REC114: variants seen among roughly 807,000 people sequenced by gnomAD.
REC114 encodes REC114 meiotic recombination protein, also known as meiotic recombination protein REC114.
In REC114, 27 loss-of-function variants were observed where a neutral mutation model predicts 31.3. That is an observed-to-expected ratio of 0.86 (90% CI 0.64 to 1.19). The LOEUF (loss-of-function observed/expected upper bound fraction) is 1.19, where lower values mean the gene tolerates loss of function less well. REC114 is among the 50% of genes most tolerant of loss of function. REC114 has a pLI of 0.00. For synonymous variants in REC114, 134 were observed against 127.7 expected, an observed-to-expected ratio of 1.05 and a Z score of -0.33; for missense variants, 344 against 326.9, an observed-to-expected ratio of 1.05 and a Z score of -0.40.
In REC114 at chr15:73,499,047, A is replaced by T. The variant is rs16957937; in HGVS notation, c.249+25126A>T. On this transcript the variant is annotated intron_variant, in intron 2 of 5. Coordinates refer to ENST00000331090, the MANE Select transcript of REC114 (RefSeq NM_001042367.2). ...CTTTGGCTACTGACTTGTTTGCAGAATGGTGCTCAGCTAAACTCTTCCCCA... is the reference window on the plus strand; with the variant it reads ...CTTTGGCTACTGACTTGTTTGCAGATTGGTGCTCAGCTAAACTCTTCCCCA... 6.8e-3 allele frequency among the ~76,000 whole-genome samples: 1,042 copies of T among 152,202 alleles called. 11 individuals are homozygous for T. The highest frequency in any genetic ancestry group is 0.023 in the African/African-American group (970 of 41,526).
intron 2 of REC114, among the ~76,000 whole-genome samples, chr15:73,514,306 G>T (rs941312365): frequency 6.6e-6 from 1 of 151,618 alleles, no homozygotes; most frequent in Non-Finnish European, 1.5e-5. Context: ...TTCGGCTCGC[G>T]CACGGTGCGC....
At chr15:73,481,538 T>G (rs186720523) in intron 2 of REC114, among the ~76,000 whole-genome samples, 24 of 152,144 alleles carry the variant, frequency 1.6e-4, no homozygotes, top group Non-Finnish European at 3.4e-4. Context: ...GACTTTCCCT[T>G]GCTAGTCTTG....
At chr15:73,544,021 C>T (rs1566948793) in intron 3 of REC114, among the ~76,000 whole-genome samples, 1 of 145,010 alleles carries the variant, frequency 6.9e-6, no homozygotes, top group East Asian at 2.2e-4. Context: ...TCTCTGCTCA[C>T]TGCAGCCTCA....
At chr15:73,473,686 G>T (rs753747161) in intron 1 of REC114, 146 bp from the exon 2 acceptor site, 2 of 568,772 alleles carry the variant, frequency 3.5e-6, no homozygotes, top group Non-Finnish European at 6.1e-6. Flanking sequence ...TAAGGGAAGG[G>T]TTACAGATTA....
At chr15:73,528,463 A>C (rs926157063) in intron 2 of REC114, among the ~76,000 whole-genome samples, 1 of 152,206 alleles carries the variant, frequency 6.6e-6, no homozygotes, top group African/African-American at 2.4e-5. Flanking sequence ...CCGCTTTTTG[A>C]GAATTATAAG....
At position 73,509,014 on chromosome 15, in the gene REC114, C is replaced by A. The variant is rs551086043; in HGVS notation, c.250-31471C>A. 2.2e-4 allele frequency among the ~76,000 whole-genome samples: 34 copies of A among 151,288 alleles called. No homozygotes were observed. In the East Asian group the frequency reaches 6.7e-3, roughly 30 times the overall value. ...TTCTAGTTCTAGATCCCTGAGGAAT[C>A]GCCACACTGACTTCCACAATGGTTG... is the stretch of plus-strand genomic sequence containing the variant. On this transcript the variant is annotated intron_variant, in intron 2 of 5. Transcript: ENST00000331090.
chr15:73,498,273 A>C (rs1893556012), intron 2 of REC114, among the ~76,000 whole-genome samples: 1 of 152,056 alleles, frequency 6.6e-6, no homozygotes, highest in Non-Finnish European at 1.5e-5. Flanking sequence ...CAATACATAC[A>C]TCCACTGCCC....
chr15:73,526,894 C>A (rs1047266837), intron 2 of REC114, among the ~76,000 whole-genome samples: 1 of 152,056 alleles, frequency 6.6e-6, no homozygotes, highest in African/African-American at 2.4e-5. Context: ...ATCAGTTTGA[C>A]CCTTTTGAAG....
At position 73,473,998 on chromosome 15, in the gene REC114, A is replaced by C. The variant is rs559730975; in HGVS notation, c.249+77A>C. The C allele has an allele frequency of 4.7e-5, 43 of 910,152 alleles. No individual in the cohort carries two copies. The East Asian group carries it at 1.1e-3, about 23-fold the overall frequency. The allele number at this position is 910,152 out of a possible 1,614,324, so 56.4% of individuals were successfully genotyped here. ...GCTTTACATGAATTTTTGTATCCTC[A>C]AGCTTCTTCAGTCTCACTGTAATTC... is the stretch of plus-strand genomic sequence containing the variant. On this transcript the variant is annotated intron_variant, in intron 2 of 5. Transcript: ENST00000331090.
At chr15:73,451,962 T>C (rs1485840422) in intron 1 of REC114, among the ~76,000 whole-genome samples, 1 of 152,174 alleles carries the variant, frequency 6.6e-6, no homozygotes, top group Non-Finnish European at 1.5e-5. Flanking sequence ...CTTAATAAAC[T>C]AGGTATTGAT....
intron 2 of REC114, among the ~76,000 whole-genome samples, chr15:73,499,899 C>G (rs1180325869): frequency 6.6e-6 from 1 of 152,138 alleles, no homozygotes; most frequent in Non-Finnish European, 1.5e-5. Flanking sequence ...TGCTTTAAGA[C>G]ACAATTTAAA....
intron 2 of REC114, among the ~76,000 whole-genome samples, chr15:73,514,622 C>T (rs1160318190): frequency 6.6e-6 from 1 of 152,006 alleles, no homozygotes; most frequent in Non-Finnish European, 1.5e-5. Flanking sequence ...TAATGGGCAA[C>T]ATTAAAGTAA....
At chr15:73,501,209 G>T (rs916455021) in intron 2 of REC114, among the ~76,000 whole-genome samples, 9 of 152,110 alleles carry the variant, frequency 5.9e-5, no homozygotes, top group Non-Finnish European at 1.2e-4. Flanking sequence ...CATCTATGAA[G>T]GTGTGCCATT....
chr15:73,535,544 G>A, intron 2 of REC114, among the ~76,000 whole-genome samples: 1 of 149,552 alleles, frequency 6.7e-6, no homozygotes, highest in Non-Finnish European at 1.5e-5. Context: ...ACAAATGGAA[G>A]AACATTCCAT....
intron 1 of REC114, among the ~76,000 whole-genome samples, chr15:73,458,873 A>G (rs1456072070): frequency 6.6e-6 from 1 of 152,176 alleles, no homozygotes; most frequent in African/African-American, 2.4e-5. Context: ...ATGTCTAGCT[A>G]AAAAAACTAA....
intron 4 of REC114, 79 bp from the exon 5 acceptor site, chr15:73,556,223 A>G: frequency 5.0e-6 from 6 of 1,210,760 alleles, no homozygotes; most frequent in East Asian, 2.4e-5. Flanking sequence ...ACATGAATGC[A>G]TATTTCTGCT....
chr15:73,492,292 CATT>C (rs1183397899), intron 2 of REC114, among the ~76,000 whole-genome samples: 2 of 152,150 alleles, frequency 1.3e-5, no homozygotes, highest in Non-Finnish European at 2.9e-5. Flanking sequence ...TTTTGCTCAT[CATT>C]ATATTTATGG....
At chr15:73,483,548 G>A (rs1440490499) in intron 2 of REC114, 1 of 152,566 alleles carries the variant, frequency 6.6e-6, no homozygotes, top group East Asian at 1.9e-4. Flanking sequence ...CTTCATAATT[G>A]TGGGCTTTGG....
chr15:73,554,694 A>G (rs1305012580), intron 4 of REC114, among the ~76,000 whole-genome samples: 1 of 152,208 alleles, frequency 6.6e-6, no homozygotes, highest in African/African-American at 2.4e-5. Flanking sequence ...GAAAGTAGCT[A>G]GGGGACTCCA....
Sources: allele counts gnomAD v4.1 joint callset (sites outside exome capture counted in the v4.1 genomes callset), GRCh38; gene constraint gnomAD v4.1.1; transcripts MANE v1.5; gene names NCBI Gene and HGNC (gene_info 2026-07-23, HGNC 2026-07-21).